The following TIMM23B variants were observed in gnomAD, a reference collection of about 807,000 sequenced individuals.
The protein encoded by TIMM23B is translocase of inner mitochondrial membrane 23 homolog B, also known as mitochondrial import inner membrane translocase subunit Tim23B.
In TIMM23B, 27 loss-of-function variants were observed where a neutral mutation model predicts 27.3. That is an observed-to-expected ratio of 0.99 (90% CI 0.73 to 1.36). The LOEUF is 1.36. Among genes scored for constraint, TIMM23B ranks in the 40% most tolerant of loss-of-function variants. The pLI is 0.00. For missense variants in TIMM23B, 205 were observed against 244.2 expected (o/e 0.84, Z 1.07); for synonymous variants, 73 against 92.4 (o/e 0.79, Z 1.21).
rs1220743816 is a variant in TIMM23B at position 49,973,261 on chromosome 10, A to G, written c.*197A>G. ...AGAAACGTGAAGTCATGAACTGTTT[A>G]TTTATGCTGTTATTTTTGTGTTTAC... On this transcript the variant is annotated 3_prime_UTR_variant, in exon 7 of 7. Coordinates refer to ENST00000651259, the MANE Select transcript of TIMM23B (RefSeq NM_001290117.2). 7.0e-5 allele frequency: 32 copies of G among 458,464 alleles called. No individual in the cohort carries two copies. The highest frequency in any genetic ancestry group is 1.0e-4 in the Non-Finnish European group (26 of 260,208). 28.4% of individuals were successfully genotyped at this position (458,464 alleles called of 1,614,324 possible). A position where few individuals can be genotyped will look rare whatever the true frequency, so the allele number is the denominator to read the frequency against.
intron 6 of TIMM23B, among the ~76,000 whole-genome samples, chr10:49,972,227 CT>C (rs1294506718): frequency 6.6e-6 from 1 of 152,240 alleles, no homozygotes; most frequent in African/African-American, 2.4e-5. Context: ...GAAAGGCTTG[CT>C]GTCAGGGGTT....
chr10:49,959,022 G>T (rs1336331048), intron 6 of TIMM23B, among the ~76,000 whole-genome samples: 2 of 152,086 alleles, frequency 1.3e-5, no homozygotes, highest in Non-Finnish European at 2.9e-5. Flanking sequence ...GGAATATTTG[G>T]GTTGCTTCTA....
chr10:49,951,969 TTAC>T (rs1274880027), intron 2 of TIMM23B, among the ~76,000 whole-genome samples, 154 bp from the exon 3 acceptor site: 1 of 152,252 alleles, frequency 6.6e-6, no homozygotes, highest in African/African-American at 2.4e-5. Flanking sequence ...GATTTAGGTG[TTAC>T]TGCTGCAGAA....
chr10:49,959,076 C>T (rs1243675178), intron 6 of TIMM23B, among the ~76,000 whole-genome samples: 1 of 152,182 alleles, frequency 6.6e-6, no homozygotes, highest in Non-Finnish European at 1.5e-5. Context: ...TATGGATGTA[C>T]AAATATCTCT....
At chr10:49,972,864 A>G (rs1840512130) in intron 6 of TIMM23B, 148 bp from the exon 7 acceptor site, 2 of 654,796 alleles carry the variant, frequency 3.1e-6, no homozygotes, top group Non-Finnish European at 5.3e-6. Context: ...CACTCATGTC[A>G]GATAGAGACA....
intron 6 of TIMM23B, among the ~76,000 whole-genome samples, chr10:49,962,078 T>C (rs1839936506): frequency 6.6e-6 from 1 of 152,144 alleles, no homozygotes; most frequent in Non-Finnish European, 1.5e-5. Flanking sequence ...TCAGTATGTG[T>C]AGACTCTCGT....
At chr10:49,965,000 C>T (rs1840075736) in intron 6 of TIMM23B, among the ~76,000 whole-genome samples, 1 of 152,144 alleles carries the variant, frequency 6.6e-6, no homozygotes, top group Non-Finnish European at 1.5e-5. Context: ...GTGGGCGGAT[C>T]ACTTGAGGTC....
chr10:49,942,367 C>T, intron 1 of TIMM23B, 67 bp downstream of exon 1: 16 of 1,558,748 alleles, frequency 1.0e-5, no homozygotes, highest in Non-Finnish European at 1.4e-5. Flanking sequence ...AGTTGCGCGT[C>T]CCATGTTTTA....
intron 6 of TIMM23B, among the ~76,000 whole-genome samples, chr10:49,964,323 TAAATGAAATGA>T (rs1840037600): frequency 1.4e-5 from 2 of 145,852 alleles, no homozygotes; most frequent in African/African-American, 2.6e-5. Context: ...TGAAATGAAA[TAAATGAAATGA>T]GAAATGATGA....
At chr10:49,963,452 C>T (rs1338277082) in intron 6 of TIMM23B, among the ~76,000 whole-genome samples, 2 of 151,814 alleles carry the variant, frequency 1.3e-5, no homozygotes, top group East Asian at 3.9e-4. Context: ...GAGCAGGTCT[C>T]CGTCTCGAAA....
At position 49,973,178 on chromosome 10, in the gene TIMM23B, T is replaced by A. The variant is rs1291805350; in HGVS notation, c.*114T>A. The A allele has an allele frequency of 3.3e-6, 2 of 611,092 alleles. No homozygotes were observed. The highest frequency in any genetic ancestry group is 5.8e-6 in the Non-Finnish European group (2 of 345,754). The allele number at this position is 611,092 out of a possible 1,614,324, so 37.9% of individuals were successfully genotyped here. On this transcript the variant is annotated 3_prime_UTR_variant, in exon 7 of 7. Coordinates refer to ENST00000651259, the MANE Select transcript of TIMM23B (RefSeq NM_001290117.2). ...CTCTGACATTTTAACCACCTCTGAC[T>A]TTTCCATGGAATGGACAAGTAGTAG...
chr10:49,944,972 A>G (rs1260567788), intron 1 of TIMM23B, 60 bp from the exon 2 acceptor site: 6 of 1,573,806 alleles, frequency 3.8e-6, no homozygotes, highest in Middle Eastern at 1.7e-4. Flanking sequence ...AGCTGGATTA[A>G]CTCTAACTGG....
chr10:49,943,964 A>G (rs1589025741), intron 1 of TIMM23B, among the ~76,000 whole-genome samples: 3 of 152,292 alleles, frequency 2.0e-5, no homozygotes, highest in East Asian at 3.9e-4. Context: ...ACCCAAATAC[A>G]GTACAAATGC....
intron 2 of TIMM23B, among the ~76,000 whole-genome samples, chr10:49,948,798 T>A (rs1367248956): frequency 3.3e-5 from 5 of 152,242 alleles, no homozygotes; most frequent in African/African-American, 1.2e-4. Flanking sequence ...GTTGCACAAC[T>A]CTGAATATAC....
rs1354852056 is a variant in TIMM23B at position 49,945,056 on chromosome 10, C to T, written c.131C>T (p.Pro44Leu). 9 of 1,598,800 alleles carry T rather than the reference C, an allele frequency of 5.6e-6. No homozygotes were observed. Among genetic ancestry groups the T allele is most frequent in the African/African-American group, 5.4e-5 (4 of 74,218 alleles). ...GTAACTGGTATGAACCCTCTGTGTCCTTATTTAAATGTGGATCCACGATAC... is the reference window on the plus strand; with the variant it reads ...GTAACTGGTATGAACCCTCTGTGTCTTTATTTAAATGTGGATCCACGATAC... ...VPLTGMNPLC[P>L]YLNVDPRYLV... is the part of the protein sequence containing the mutation. Residue 44 changes from proline to leucine, a missense_variant, in exon 2 of 7, where the codon CCT becomes CTT. Pro to Leu is a moderately conservative substitution (Grantham distance 98, BLOSUM62 -3). Transcript: ENST00000651259.
At chr10:49,950,743 T>G (rs1839503690) in intron 2 of TIMM23B, among the ~76,000 whole-genome samples, 1 of 151,944 alleles carries the variant, frequency 6.6e-6, no homozygotes, top group Non-Finnish European at 1.5e-5. Context: ...GGTTTCACCA[T>G]GTTGCCCAGG....
chr10:49,971,325 A>G (rs1840436112), intron 6 of TIMM23B, among the ~76,000 whole-genome samples: 1 of 150,786 alleles, frequency 6.6e-6, no homozygotes. Context: ...AATGATCAAT[A>G]AATACTAAAA....
chr10:49,956,459 GTGTGTGTGTGTA>G lies in TIMM23B; in HGVS notation c.403+1407_403+1418del, dbSNP rs1400690792. Among the ~76,000 whole-genome samples the G allele has an allele frequency of 4.6e-3, 586 of 126,734 alleles. 56 individuals are homozygous for G. The highest frequency in any genetic ancestry group is 0.019 in the Middle Eastern group (4 of 210). The allele number at this position is 126,734 out of a possible 152,430, so 83.1% of individuals were successfully genotyped here. On this transcript the variant is annotated intron_variant, in intron 5 of 6. Transcript: ENST00000651259. ...TGTGTGTGTGTGTGTGTGTGTGTGT[GTGTGTGTGTGTA>G]TGTGTGTCTTCAATCCGAAGTACAG...
intron 1 of TIMM23B, 45 bp downstream of exon 1, chr10:49,942,345 C>A: frequency 2.5e-6 from 4 of 1,578,176 alleles, no homozygotes; most frequent in Non-Finnish European, 3.4e-6. Flanking sequence ...CTGGTTCTTG[C>A]GTTTACACTA....
Sources: gnomAD v4.1 joint callset for allele counts (sites outside exome capture counted in the v4.1 genomes callset) on GRCh38, gnomAD v4.1.1 for gene constraint, MANE v1.5 for transcripts, NCBI Gene and HGNC (gene_info 2026-07-23, HGNC 2026-07-21) for gene names.